SAFB2: variants seen among roughly 807,000 people sequenced by gnomAD.
SAFB2 encodes scaffold attachment factor B2.
In SAFB2, 32 loss-of-function variants were observed where a neutral mutation model predicts 100.6. The ratio of observed to expected loss-of-function variants is 0.32; its 90% CI spans 0.24 to 0.43. The LOEUF is 0.43. Among genes scored for constraint, SAFB2 ranks in the 20% least tolerant of loss-of-function variants. SAFB2 has a pLI of 1.00. For missense variants in SAFB2, 1,185 were observed against 1,163.4 expected, an observed-to-expected ratio of 1.02 and a Z score of -0.27; for synonymous variants, 500 against 439.4, an observed-to-expected ratio of 1.14 and a Z score of -1.72.
rs1004869021 is a variant in SAFB2, at chr19:5,616,453, T to C, written c.308A>G (p.Asn103Ser). ...GTCTCTGGAATCGTCTTCCAGGCCA[T>C]TATCTTCTGTGCCTTCCTCCTCCAT... ...LKMEEEGTED[N>S]GLEDDSRDGQ... The change falls in exon 3 of 21, where the codon AAT (asparagine) becomes AGT (serine). Residue 103 changes from asparagine (N) to serine (S), a missense_variant. Physicochemically the swap from Asn to Ser is conservative, Grantham distance 46 (BLOSUM62 1). Coordinates refer to ENST00000252542, the MANE Select transcript of SAFB2 (RefSeq NM_014649.3). 5 of 1,613,950 alleles carry C rather than the reference T, an allele frequency of 3.1e-6. No homozygotes were observed. In the African/African-American group the frequency reaches 4.0e-5, roughly 13 times the overall value.
At chr19:5,604,489 AGGTG>A (rs1343336318) in intron 11 of SAFB2, 90 bp downstream of exon 11, 9 of 827,590 alleles carry the variant, frequency 1.1e-5, no homozygotes, top group Admixed American at 2.4e-5. Context: ...GCGTGGGTAC[AGGTG>A]GGGACAGATG....
At chr19:5,607,409 C>A (rs183219069) in intron 9 of SAFB2, among the ~76,000 whole-genome samples, 1 of 152,030 alleles carries the variant, frequency 6.6e-6, no homozygotes, top group Admixed American at 6.6e-5. Context: ...CAAAGATCGA[C>A]GGGAGGGGAA....
chr19:5,605,073 T>A, intron 9 of SAFB2, 137 bp from the exon 10 acceptor site: 1 of 989,908 alleles, frequency 1.0e-6, no homozygotes, highest in Non-Finnish European at 1.5e-6. Context: ...AGTTACTGAA[T>A]TGGTTCTAAT....
intron 17 of SAFB2, chr19:5,591,500 G>C (rs1244850473): frequency 4.9e-6 from 2 of 407,392 alleles, no homozygotes; most frequent in Non-Finnish European, 8.9e-6. Flanking sequence ...GGCTGGTCTT[G>C]AACTCCTGAC....
intron 9 of SAFB2, among the ~76,000 whole-genome samples, chr19:5,607,269 A>T (rs185711352): frequency 2.2e-4 from 34 of 151,868 alleles, no homozygotes; most frequent in African/African-American, 7.0e-4. Context: ...TCAAAAACAA[A>T]CAAAAACAAA....
At position 5,618,642 on chromosome 19, in the gene SAFB2, A is replaced by C. The variant is rs938101266; in HGVS notation, c.275-2156T>G. Among the ~76,000 whole-genome samples the C allele has an allele frequency of 4.6e-5, 7 of 152,340 alleles. No individual in the cohort carries two copies. The East Asian group carries it at 1.3e-3, about 29-fold the overall frequency. ...TAAACACAGCATATCCTTTTGAAAT[A>C]CGTTGTCTAAAAATGTTTGGTAATT... is the stretch of plus-strand genomic sequence containing the variant. On this transcript the variant is annotated intron_variant, in intron 2 of 20. Coordinates refer to ENST00000252542, the MANE Select transcript of SAFB2 (RefSeq NM_014649.3).
At chr19:5,621,738 C>A (rs888760380) in intron 1 of SAFB2, among the ~76,000 whole-genome samples, 51 of 152,338 alleles carry the variant, frequency 3.3e-4, no homozygotes, top group Non-Finnish European at 6.0e-4. Flanking sequence ...GCACTTGGCC[C>A]GGCCTCGGTG....
rs150150714 is a variant in SAFB2, at chr19:5,590,800, A to G, written c.2395-392T>C. On this transcript the variant is annotated intron_variant, in intron 17 of 20. Transcript: ENST00000252542. ...CCCCCTGTGCTCTGGCAGGGCCACA[A>G]TTCCGGCCTCCCTGGCCAACCAACT... Among the ~76,000 whole-genome samples the G allele has an allele frequency of 2.1e-3, 317 of 152,284 alleles. 1 individual carries two copies. The highest frequency in any genetic ancestry group is 6.4e-3 in the South Asian group (31 of 4,830).
In SAFB2 at chr19:5,587,326, CTCCGCCACCTTCCAG is replaced by C. The variant is rs749079142; in HGVS notation, c.2764_2778del (p.Leu922_Gly926del). 21 of 1,612,852 alleles carry C rather than the reference CTCCGCCACCTTCCAG, an allele frequency of 1.3e-5. No homozygotes were observed. In the African/African-American group the frequency reaches 2.3e-4, roughly 17 times the overall value. On this transcript the variant is annotated inframe_deletion, in exon 21 of 21. Transcript: ENST00000252542. This position sits in a 1 kb window ranked among gnomAD's most constrained non-coding sequence, Gnocchi z 4.9. ...CTGCTGCCCCGGTCCTGGCTGGCCA[CTCCGCCACCTTCCAG>C]TCCGCCACCTGGCACCACGTGGCCC...
chr19:5,609,255 T>C (rs1169684172), intron 9 of SAFB2, among the ~76,000 whole-genome samples: 1 of 151,534 alleles, frequency 6.6e-6, no homozygotes, highest in Non-Finnish European at 1.5e-5. Flanking sequence ...TGAGACTATA[T>C]ACTTAAAATG....
At chr19:5,588,875 A>C (rs1475487376) in intron 18 of SAFB2, 2 of 152,246 alleles carry the variant, frequency 1.3e-5, no homozygotes, top group Non-Finnish European at 2.9e-5. Flanking sequence ...ACTATACTTA[A>C]AGAAAGCTAT....
rs1358797446 is a variant in SAFB2 at position 5,598,638 on chromosome 19, G to GT, written c.1782+154dup. 3 of 651,600 alleles carry GT rather than the reference G, an allele frequency of 4.6e-6. No homozygotes were observed. In the African/African-American group the frequency reaches 5.5e-5, roughly 12 times the overall value. 40.4% of individuals were successfully genotyped at this position (651,600 alleles called of 1,614,324 possible). ...CTCTGCAGAAAGCACCAGGATTCAT[G>GT]TGTGTGTCTGTATCCGCAATCTACA... On this transcript the variant is annotated intron_variant, in intron 13 of 20. Transcript: ENST00000252542.
intron 2 of SAFB2, among the ~76,000 whole-genome samples, chr19:5,620,494 C>T (rs1025904098): frequency 6.6e-6 from 1 of 152,186 alleles, no homozygotes; most frequent in Non-Finnish European, 1.5e-5. Context: ...TGGTATCAGC[C>T]ATAAACAGGA....
At chr19:5,619,975 T>G (rs2053107673) in intron 2 of SAFB2, among the ~76,000 whole-genome samples, 1 of 152,130 alleles carries the variant, frequency 6.6e-6, no homozygotes, top group Admixed American at 6.5e-5. Flanking sequence ...TGTTAAGCAG[T>G]TTTCCCAACC....
chr19:5,609,051 C>CAAAAAAAAAAAAAA (rs60419324), intron 9 of SAFB2, among the ~76,000 whole-genome samples: 1 of 72,698 alleles, frequency 1.4e-5, no homozygotes, highest in African/African-American at 5.6e-5. Flanking sequence ...GACGCAGTCT[C>CAAAAAAAAAAAAAA]AAAAAAAAAA....
At chr19:5,592,551 C>T (rs554965564) in intron 16 of SAFB2, among the ~76,000 whole-genome samples, 196 bp downstream of exon 16, 1 of 152,330 alleles carries the variant, frequency 6.6e-6, no homozygotes, top group Admixed American at 6.5e-5. Context: ...TCTGAGATGC[C>T]TTCCTCTGAG....
intron 4 of SAFB2, among the ~76,000 whole-genome samples, chr19:5,614,456 T>A (rs2052979299): frequency 6.6e-6 from 1 of 152,236 alleles, no homozygotes; most frequent in Non-Finnish European, 1.5e-5. Context: ...CTCCATTAAC[T>A]GAGAAGTACA....
At position 5,604,883 on chromosome 19, in the gene SAFB2, A is replaced by G; in HGVS notation, c.1350T>C (p.Tyr450=). The stretch of plus-strand genomic sequence containing the variant: ...CAGATGTCGACATGGTGACGAATCC[A>G]TAGCATCGAGCCCCCGGGCTGCGGG... The part of the protein sequence containing the change: ...TNARSPGARC[Y]GFVTMSTSDE... The change falls in exon 10 of 21, where the codon TAT becomes TAC. Residue 450 remains tyrosine, a synonymous_variant. Transcript: ENST00000252542. 6.2e-7 allele frequency: 1 copy of G among 1,614,144 alleles called. No homozygotes were observed. The highest frequency in any genetic ancestry group is 8.5e-7 in the Non-Finnish European group (1 of 1,180,044).
chr19:5,605,325 C>A (rs1368055390), intron 9 of SAFB2, among the ~76,000 whole-genome samples: 1 of 151,928 alleles, frequency 6.6e-6, no homozygotes, highest in Non-Finnish European at 1.5e-5. Flanking sequence ...GGCTGGTCTC[C>A]AACTCCTGAC....
Sources: gnomAD v4.1 joint callset for allele counts (sites outside exome capture counted in the v4.1 genomes callset) on GRCh38, gnomAD v4.1.1 for gene constraint, Gnocchi (gnomAD v3.1) non-coding constraint, MANE v1.5 for transcripts, NCBI Gene and HGNC (gene_info 2026-07-23, HGNC 2026-07-21) for gene names.